Variants in OCA2 observed in about 807,000 individuals in gnomAD.
The protein encoded by OCA2 is P protein.
Under a neutral mutation model 100.2 loss-of-function variants are expected in OCA2, and 77 were observed. That is an observed-to-expected ratio of 0.77 (90% CI 0.64 to 0.93). The LOEUF is 0.93. Among genes scored for constraint, OCA2 ranks in the 40% least tolerant of loss-of-function variants. The pLI is 0.00. For synonymous variants in OCA2, 432 were observed against 439.2 expected, an observed-to-expected ratio of 0.98 and a Z score of 0.21; for missense variants, 1,062 against 1,089.1, an observed-to-expected ratio of 0.98 and a Z score of 0.35.
chr15:27,888,278 A>G (rs1595580094), intron 19 of OCA2, among the ~76,000 whole-genome samples: 1 of 152,252 alleles, frequency 6.6e-6, no homozygotes, highest in East Asian at 1.9e-4. Context: ...CAGGCTATGT[A>G]AATAGTCTAT....
At chr15:27,854,123 G>A (rs1308971106) in intron 21 of OCA2, among the ~76,000 whole-genome samples, 2 of 152,190 alleles carry the variant, frequency 1.3e-5, no homozygotes, top group Non-Finnish European at 2.9e-5. Context: ...CTTGCCTAGT[G>A]GCTTCCTTTG....
At chr15:27,780,133 C>T (rs1313394029) in intron 23 of OCA2, among the ~76,000 whole-genome samples, 3 of 152,178 alleles carry the variant, frequency 2.0e-5, no homozygotes, top group Admixed American at 2.0e-4. Flanking sequence ...TGCTCAATTC[C>T]ATTAAAGGAA....
chr15:27,896,846 GAATGTTAATTCCC>G (rs1200879677), intron 19 of OCA2, among the ~76,000 whole-genome samples: 2 of 152,178 alleles, frequency 1.3e-5, no homozygotes, highest in African/African-American at 4.8e-5. Flanking sequence ...ATGAGAAGCC[GAATGTTAATTCCC>G]AAGACAATGG....
chr15:27,753,519 G>A (rs2030147152), downstream of OCA2, among the ~76,000 whole-genome samples: 1 of 152,112 alleles, frequency 6.6e-6, no homozygotes, highest in Non-Finnish European at 1.5e-5. Context: ...GGATCACGAG[G>A]TCAGGAGATC....
chr15:28,023,745 C>T (rs932320940), intron 5 of OCA2, among the ~76,000 whole-genome samples: 3 of 152,188 alleles, frequency 2.0e-5, no homozygotes, highest in Admixed American at 1.3e-4. Flanking sequence ...AATAACTCCG[C>T]AAAGCACAGG....
chr15:27,999,222 A>G (rs1479864391), intron 9 of OCA2, among the ~76,000 whole-genome samples: 1 of 152,196 alleles, frequency 6.6e-6, no homozygotes, highest in Non-Finnish European at 1.5e-5. Flanking sequence ...TCAACAAAAT[A>G]CTAGCAAACT....
intron 23 of OCA2, among the ~76,000 whole-genome samples, chr15:27,816,699 A>G (rs938324735): frequency 2.0e-5 from 3 of 152,022 alleles, no homozygotes; most frequent in Non-Finnish European, 4.4e-5. Flanking sequence ...ACGATACCCT[A>G]CAGCTACTGA....
intron 23 of OCA2, among the ~76,000 whole-genome samples, chr15:27,799,558 A>C (rs948007768): frequency 6.6e-6 from 1 of 152,124 alleles, no homozygotes; most frequent in Admixed American, 6.5e-5. Context: ...CAACCTGGCC[A>C]ACATCGTGAA....
intron 19 of OCA2, among the ~76,000 whole-genome samples, chr15:27,877,783 T>G (rs2036852294): frequency 6.6e-6 from 1 of 151,996 alleles, no homozygotes. Context: ...AGAGCCTTAC[T>G]TCCTTATCTG....
chr15:28,083,764 G>A (rs755206641), intron 1 of OCA2, among the ~76,000 whole-genome samples: 28 of 152,160 alleles, frequency 1.8e-4, no homozygotes, highest in Non-Finnish European at 1.9e-4. Flanking sequence ...TGGAAGAAAG[G>A]AGAAAACTTT....
At chr15:28,020,137 C>T (rs1039635475) in intron 6 of OCA2, among the ~76,000 whole-genome samples, 3 of 152,156 alleles carry the variant, frequency 2.0e-5, no homozygotes, top group Admixed American at 2.0e-4. Context: ...CCATCCCCAC[C>T]CCCTGCCAAG....
chr15:27,821,851 A>G (rs1319403128), intron 23 of OCA2, among the ~76,000 whole-genome samples: 2 of 152,162 alleles, frequency 1.3e-5, no homozygotes, highest in African/African-American at 4.8e-5. Context: ...TCGCATATGC[A>G]CACACACTTT....
chr15:28,075,746 A>T (rs1056743634), intron 2 of OCA2, among the ~76,000 whole-genome samples: 2 of 152,262 alleles, frequency 1.3e-5, no homozygotes, highest in Non-Finnish European at 2.9e-5. Context: ...ATAAAAAGAA[A>T]CACAACTTGG....
chr15:27,734,395 T>C, the OCA2 span, among the ~76,000 whole-genome samples: 1 of 150,274 alleles, frequency 6.7e-6, no homozygotes, highest in Non-Finnish European at 1.5e-5. Context: ...ATTACCCACA[T>C]CATGCCTTTC....
At chr15:27,948,819 A>G (rs1404792898) in intron 18 of OCA2, among the ~76,000 whole-genome samples, 1 of 152,130 alleles carries the variant, frequency 6.6e-6, no homozygotes, top group African/African-American at 2.4e-5. Flanking sequence ...AAGGCATTAC[A>G]CTGTGTGAGA....
chr15:27,768,395 C>T (rs2031449164), intron 23 of OCA2, among the ~76,000 whole-genome samples: 1 of 152,188 alleles, frequency 6.6e-6, no homozygotes, highest in Non-Finnish European at 1.5e-5. Flanking sequence ...GCCCCCACAC[C>T]CAGGGGCAAC....
chr15:27,770,234 G>C (rs888490825), intron 23 of OCA2, among the ~76,000 whole-genome samples: 4 of 152,236 alleles, frequency 2.6e-5, no homozygotes, highest in Non-Finnish European at 4.4e-5. Context: ...GGGGCGTTCA[G>C]GGCGGGGGCT....
chr15:27,921,501 AAG>A (rs1416192047), intron 19 of OCA2, among the ~76,000 whole-genome samples: 2 of 152,118 alleles, frequency 1.3e-5, no homozygotes, highest in African/African-American at 4.8e-5. Context: ...CAAAGAAGTA[AAG>A]AATTGTAGGA....
chr15:28,027,072 G>T (rs2141339370), intron 4 of OCA2, among the ~76,000 whole-genome samples: 1 of 152,324 alleles, frequency 6.6e-6, no homozygotes, highest in Middle Eastern at 3.4e-3. Context: ...TCCTGGAAAT[G>T]ATGCTTTCAA....
Sources: gnomAD v4.1 joint callset for allele counts (sites outside exome capture counted in the v4.1 genomes callset) on GRCh38, gnomAD v4.1.1 for gene constraint, MANE v1.5 for transcripts, NCBI Gene and HGNC (gene_info 2026-07-23, HGNC 2026-07-21) for gene names.